The following TTPAL variants were observed in gnomAD, a reference collection of about 807,000 sequenced individuals.
The protein encoded by TTPAL is alpha tocopherol transfer protein like.
A neutral mutation model predicts 28.7 loss-of-function variants in TTPAL; 21 were observed. That is an observed-to-expected ratio of 0.73 (90% CI 0.52 to 1.06). The LOEUF is 1.06. TTPAL is among the 50% of genes least tolerant of loss of function. TTPAL has a pLI of 0.00. For missense variants in TTPAL, 345 were observed against 425.5 expected, an observed-to-expected ratio of 0.81 and a Z score of 1.67; for synonymous variants, 169 against 171.9, an observed-to-expected ratio of 0.98 and a Z score of 0.13.
rs557946609 is a variant in TTPAL at position 44,480,840 on chromosome 20, G to A, written c.445+396G>A. ...GTATGGCTGTCCCGCTCCTGTGCAC[G>A]TAGTTAAATCTGGCACCCTCTCAGC... On this transcript the variant is annotated intron_variant, in intron 2 of 4. Coordinates refer to ENST00000262605, the MANE Select transcript of TTPAL (RefSeq NM_001039199.3). The surrounding 1 kb of genome is among the most constrained non-coding windows in gnomAD (Gnocchi z 4.1). Among the ~76,000 whole-genome samples, 3 of 152,302 alleles carry A rather than the reference G, an allele frequency of 2.0e-5. No homozygotes were observed. The highest frequency in any genetic ancestry group is 4.1e-4 in the South Asian group (2 of 4,832).
chr20:44,476,288 G>A (rs142059427), intron 1 of TTPAL, among the ~76,000 whole-genome samples: 58 of 152,310 alleles, frequency 3.8e-4, no homozygotes, highest in South Asian at 8.3e-4. Context: ...TGGCTTCACC[G>A]TTACCAATGG....
chr20:44,476,405 C>T (rs913383522), intron 1 of TTPAL, among the ~76,000 whole-genome samples: 1 of 152,220 alleles, frequency 6.6e-6, no homozygotes, highest in Non-Finnish European at 1.5e-5. Flanking sequence ...CAACATGAAG[C>T]TCCAGGTGGA....
chr20:44,493,468 T>C lies in TTPAL; in HGVS notation c.*3927T>C, dbSNP rs941707499. On this transcript the variant is annotated 3_prime_UTR_variant, in exon 5 of 5. Coordinates refer to ENST00000262605, the MANE Select transcript of TTPAL (RefSeq NM_001039199.3). Reference sequence around the variant, plus strand: ...TTTTTTTCATTTGGGTAGCAAAAGCTAGAGTATTGCTGTGGCGATTATAAT... The same window carrying C: ...TTTTTTTCATTTGGGTAGCAAAAGCCAGAGTATTGCTGTGGCGATTATAAT... 1.3e-5 allele frequency: 2 copies of C among 152,342 alleles called. No homozygotes were observed. The highest frequency in any genetic ancestry group is 2.9e-5 in the Non-Finnish European group (2 of 68,028). The allele number at this position is 152,342 out of a possible 1,614,324, so 9.4% of individuals were successfully genotyped here.
At position 44,492,344 on chromosome 20, in the gene TTPAL, T is replaced by C. The variant is rs1463311087; in HGVS notation, c.*2803T>C. On this transcript the variant is annotated 3_prime_UTR_variant, in exon 5 of 5. Transcript: ENST00000262605. ...TCCTTCAGGGAGAAGTTCTGGCCCATTGCACAAACACTTGGAAATTAACTT... is the reference window on the plus strand; with the variant it reads ...TCCTTCAGGGAGAAGTTCTGGCCCACTGCACAAACACTTGGAAATTAACTT... The C allele has an allele frequency of 6.6e-6, 1 of 152,298 alleles. No individual in the cohort carries two copies. The highest frequency in any genetic ancestry group is 6.5e-5 in the Admixed American group (1 of 15,268). 9.4% of individuals were successfully genotyped at this position (152,298 alleles called of 1,614,324 possible). A position where few individuals can be genotyped will look rare whatever the true frequency, so the allele number is the denominator to read the frequency against.
chr20:44,491,066 ACT>A lies in TTPAL; in HGVS notation c.*1528_*1529del, dbSNP rs1333399068. The A allele has an allele frequency of 8.7e-5, 11 of 127,106 alleles. No homozygotes were observed. Among genetic ancestry groups the A allele is most frequent in the Admixed American group, 1.9e-4 (2 of 10,436 alleles). The allele number at this position is 127,106 out of a possible 1,614,324, so 7.9% of individuals were successfully genotyped here. On this transcript the variant is annotated 3_prime_UTR_variant, in exon 5 of 5. Transcript: ENST00000262605. ...ACTCCAGCCTGGGCGACAGAGCAAG[ACT>A]CTGCCTCAAAAAAAAAAAAAAAAAA...
Position 44,489,386 on chromosome 20 carries a change from G to T in TTPAL, c.874G>T (p.Ala292Ser). ...TGCCACCTGGAACGCGGTACTGCTG[G>T]CTTCAGAAGACGATTTTGTGAAAGA... Reference protein sequence around the residue: ...DTATWNAVLLASEDDFVKEFC... With the variant: ...DTATWNAVLLSSEDDFVKEFC... The change falls in exon 5 of 5, where the codon GCT becomes TCT. Residue 292 changes from alanine to serine, a missense_variant. Ala to Ser is a moderately conservative substitution (Grantham distance 99, BLOSUM62 1). Coordinates refer to ENST00000262605, the MANE Select transcript of TTPAL (RefSeq NM_001039199.3). The T allele has an allele frequency of 2.5e-6, 4 of 1,614,154 alleles. No individual in the cohort carries two copies. Among genetic ancestry groups the T allele is most frequent in the Non-Finnish European group, 3.4e-6 (4 of 1,180,036 alleles).
At chr20:44,486,475 G>A in intron 3 of TTPAL, 121 bp from the exon 4 acceptor site, 1 of 656,478 alleles carries the variant, frequency 1.5e-6, no homozygotes, top group South Asian at 1.9e-5. Flanking sequence ...GACTGTCATT[G>A]AGGAGGCCAT....
rs942709308 is a variant in TTPAL at position 44,492,457 on chromosome 20, C to G, written c.*2916C>G. 1 of 152,172 alleles carries G rather than the reference C, an allele frequency of 6.6e-6. No individual in the cohort carries two copies. The highest frequency in any genetic ancestry group is 1.5e-5 in the Non-Finnish European group (1 of 68,040). The allele number at this position is 152,172 out of a possible 1,614,324, so 9.4% of individuals were successfully genotyped here. On this transcript the variant is annotated 3_prime_UTR_variant, in exon 5 of 5. Transcript: ENST00000262605. ...GCTCCACCTTTACCTTACTACGTGG[C>G]CTTTGATGAGCTGGCTTAACATCCC...
At chr20:44,479,401 T>TG (rs1480533967) in intron 1 of TTPAL, among the ~76,000 whole-genome samples, 8 of 68,510 alleles carry the variant, frequency 1.2e-4, no homozygotes, top group Non-Finnish European at 1.6e-4. Flanking sequence ...TCTGAGTTGT[T>TG]TTTTTTTTTT....
chr20:44,479,843 A>G (rs2064084875), intron 1 of TTPAL, 142 bp from the exon 2 acceptor site: 1 of 715,236 alleles, frequency 1.4e-6, no homozygotes, highest in Non-Finnish European at 2.3e-6. Context: ...TATGGTTTAG[A>G]TCCAGTTCAT....
intron 1 of TTPAL, among the ~76,000 whole-genome samples, chr20:44,476,541 C>T (rs1458514065): frequency 6.6e-6 from 1 of 152,224 alleles, no homozygotes; most frequent in Non-Finnish European, 1.5e-5. Flanking sequence ...TGCCATGTGC[C>T]CGGCACTGGG....
In TTPAL at chr20:44,494,031, C is replaced by G. The variant is rs187414232; in HGVS notation, c.*4490C>G. 2.4e-4 allele frequency: 36 copies of G among 152,442 alleles called. No homozygotes were observed. Among genetic ancestry groups the G allele is most frequent in the African/African-American group, 7.7e-4 (32 of 41,568 alleles). 9.4% of individuals were successfully genotyped at this position (152,442 alleles called of 1,614,324 possible). On this transcript the variant is annotated 3_prime_UTR_variant, in exon 5 of 5. Coordinates refer to ENST00000262605, the MANE Select transcript of TTPAL (RefSeq NM_001039199.3). ...CCCGCCTGGGTGACAAAGCAATATT[C>G]TGTGTCAAATAAATAAATTCATTCT... is the stretch of plus-strand genomic sequence containing the variant.
At chr20:44,488,595 G>A (rs2060894417) in intron 4 of TTPAL, among the ~76,000 whole-genome samples, 1 of 152,174 alleles carries the variant, frequency 6.6e-6, no homozygotes, top group East Asian at 1.9e-4. Context: ...TGTGAGGTGG[G>A]AAGGGTTGCA....
chr20:44,480,364 A>G lies in TTPAL; in HGVS notation c.365A>G (p.Lys122Arg), dbSNP rs2064092326. 6.2e-7 allele frequency: 1 copy of G among 1,614,092 alleles called. No homozygotes were observed. Among genetic ancestry groups the G allele is most frequent in the Non-Finnish European group, 8.5e-7 (1 of 1,180,002 alleles). Residue 122 changes from lysine (K) to arginine (R), a missense_variant, in exon 2 of 5, where the codon AAA (lysine) becomes AGA (arginine). Lys to Arg is a conservative substitution (Grantham distance 26). Transcript: ENST00000262605. This position sits in a 1 kb window ranked among gnomAD's most constrained non-coding sequence, Gnocchi z 4.1. Reference protein sequence around the residue: ...VFNNLKPSALKDVLASGFLTV... With the variant: ...VFNNLKPSALRDVLASGFLTV... ...AATAACTTGAAGCCATCAGCCTTAA[A>G]AGATGTCCTTGCTTCCGGGTTCCTC... is the stretch of plus-strand genomic sequence containing the variant.
chr20:44,482,902 T>C (rs1458681838), intron 2 of TTPAL, among the ~76,000 whole-genome samples: 1 of 151,912 alleles, frequency 6.6e-6, no homozygotes, highest in Non-Finnish European at 1.5e-5. Context: ...CTGTTGCCCA[T>C]GTTGGAGTGC....
chr20:44,480,136 A>T lies in TTPAL; in HGVS notation c.137A>T (p.Glu46Val). Residue 46 changes from glutamate (E) to valine (V), a missense_variant, in exon 2 of 5, where the codon GAG becomes GTG. Physicochemically the swap from Glu to Val is moderately radical, Grantham distance 121. Transcript: ENST00000262605. This position sits in a 1 kb window ranked among gnomAD's most constrained non-coding sequence, Gnocchi z 4.1. ...GACCTGGTCACCAAAGCCCGGGAAG[A>T]GCTGCAGGAAAAGCCGGAATGGAGA... ...TEDLVTKARE[E>V]LQEKPEWRLR... is the part of the protein sequence containing the mutation. The T allele has an allele frequency of 1.2e-6, 2 of 1,614,194 alleles. No individual in the cohort carries two copies. The highest frequency in any genetic ancestry group is 1.7e-6 in the Non-Finnish European group (2 of 1,180,026).
chr20:44,483,409 T>C (rs182259026), intron 2 of TTPAL, among the ~76,000 whole-genome samples: 42 of 152,212 alleles, frequency 2.8e-4, no homozygotes, highest in African/African-American at 7.7e-4. Flanking sequence ...CAGAACTCTT[T>C]CCAAAGGGCC....
chr20:44,486,839 T>C (rs771618359), intron 4 of TTPAL, 133 bp downstream of exon 4: 1 of 593,756 alleles, frequency 1.7e-6, no homozygotes. Flanking sequence ...ATAAAATAAA[T>C]GAACAGTCCC....
At chr20:44,478,742 ACTTG>A (rs1429063857) in intron 1 of TTPAL, 1 of 152,194 alleles carries the variant, frequency 6.6e-6, no homozygotes, top group Non-Finnish European at 1.5e-5. Flanking sequence ...CTATTCTGCA[ACTTG>A]CTTTTTTAAT....
Sources: allele counts gnomAD v4.1 joint callset (sites outside exome capture counted in the v4.1 genomes callset), GRCh38; gene constraint gnomAD v4.1.1; non-coding constraint Gnocchi (gnomAD v3.1); transcripts MANE v1.5; gene names NCBI Gene and HGNC (gene_info 2026-07-23, HGNC 2026-07-21).